The following DCC variants were observed in gnomAD, a reference collection of about 807,000 sequenced individuals.
DCC encodes the protein netrin receptor DCC.
A neutral mutation model predicts 172.5 loss-of-function variants in DCC; 58 were observed. That is an observed-to-expected ratio of 0.34 (90% CI 0.27 to 0.42). DCC has a LOEUF of 0.42. DCC is among the 10% of genes least tolerant of loss of function. DCC has a pLI of 1.00. For synonymous variants in DCC, 709 were observed against 644.5 expected (o/e 1.10, Z -1.52); for missense variants, 1,740 against 1,791.0 (o/e 0.97, Z 0.51).
At chr18:53,246,821 T>C (rs1294580210) in intron 12 of DCC, among the ~76,000 whole-genome samples, 1 of 152,080 alleles carries the variant, frequency 6.6e-6, no homozygotes, top group Non-Finnish European at 1.5e-5. Context: ...CTGAGTATTA[T>C]AAAGTGCGTT....
At chr18:52,616,172 C>T (rs1339732280) in intron 1 of DCC, among the ~76,000 whole-genome samples, 2 of 152,090 alleles carry the variant, frequency 1.3e-5, no homozygotes, top group Non-Finnish European at 2.9e-5. Flanking sequence ...AGTTGTTCCT[C>T]TTTCTGTTTC....
intron 5 of DCC, among the ~76,000 whole-genome samples, chr18:53,059,160 A>G (rs1249265275): frequency 6.6e-6 from 1 of 152,140 alleles, no homozygotes; most frequent in Non-Finnish European, 1.5e-5. Context: ...GCTCACTATC[A>G]TGAGAACAGC....
intron 2 of DCC, among the ~76,000 whole-genome samples, chr18:52,897,270 C>A (rs2039745416): frequency 6.6e-6 from 1 of 152,134 alleles, no homozygotes; most frequent in Non-Finnish European, 1.5e-5. Flanking sequence ...TAGTTGATGG[C>A]CTTACTCCTT....
At chr18:52,630,830 G>A (rs1376344793) in intron 1 of DCC, among the ~76,000 whole-genome samples, 1 of 152,196 alleles carries the variant, frequency 6.6e-6, no homozygotes, top group Non-Finnish European at 1.5e-5. Context: ...CTTGTACACA[G>A]CAAGTCATCC....
chr18:52,891,632 C>T (rs1443614401), intron 2 of DCC, among the ~76,000 whole-genome samples: 1 of 152,136 alleles, frequency 6.6e-6, no homozygotes, highest in African/African-American at 2.4e-5. Context: ...TTCCATACCA[C>T]TGCATTTTTA....
At chr18:52,637,490 C>T (rs1437322974) in intron 1 of DCC, among the ~76,000 whole-genome samples, 1 of 151,984 alleles carries the variant, frequency 6.6e-6, no homozygotes, top group Admixed American at 6.6e-5. Context: ...ATTTAGGAAA[C>T]TTTGGAGGCG....
At chr18:52,384,768 A>G (rs1388635896) in intron 1 of DCC, among the ~76,000 whole-genome samples, 1 of 152,162 alleles carries the variant, frequency 6.6e-6, no homozygotes, top group Admixed American at 6.5e-5. Context: ...AAACAGAACT[A>G]AAAGTACATA....
At chr18:52,819,048 G>A (rs1195324451) in intron 2 of DCC, among the ~76,000 whole-genome samples, 1 of 152,176 alleles carries the variant, frequency 6.6e-6, no homozygotes, top group Admixed American at 6.5e-5. Context: ...TTACAAAAGA[G>A]ATAGGAGATA....
intron 2 of DCC, among the ~76,000 whole-genome samples, chr18:52,824,035 G>C (rs2038459753): frequency 2.6e-5 from 4 of 152,106 alleles, no homozygotes; most frequent in Admixed American, 2.6e-4. Flanking sequence ...AGAAAAAATA[G>C]ATTATTTTCT....
chr18:52,394,849 A>C (rs1986159126), intron 1 of DCC, among the ~76,000 whole-genome samples: 1 of 152,086 alleles, frequency 6.6e-6, no homozygotes, highest in Admixed American at 6.6e-5. Context: ...AGAGCAGCTC[A>C]AATGAGCTGT....
intron 1 of DCC, among the ~76,000 whole-genome samples, chr18:52,362,606 TATGATTGAGTTTCTGTTTTG>T (rs1170908125): frequency 2.0e-5 from 3 of 152,180 alleles, no homozygotes; most frequent in African/African-American, 7.2e-5. Context: ...TTCTAAAATC[TATGATTGAGTTTCTGTTTTG>T]GGTTATTAAC....
intron 25 of DCC, among the ~76,000 whole-genome samples, chr18:53,469,998 G>A (rs1185409034): frequency 6.6e-6 from 1 of 151,998 alleles, no homozygotes; most frequent in East Asian, 1.9e-4. Context: ...TGTACTAGAT[G>A]CCCCTGGTTT....
intron 2 of DCC, among the ~76,000 whole-genome samples, chr18:52,894,212 C>A (rs138406879): frequency 2.0e-5 from 3 of 152,240 alleles, no homozygotes; most frequent in African/African-American, 7.2e-5. Flanking sequence ...CCACCAGCAT[C>A]TTTCATTTTT....
chr18:52,890,705 A>G (rs2039636200), intron 2 of DCC, among the ~76,000 whole-genome samples: 1 of 152,122 alleles, frequency 6.6e-6, no homozygotes, highest in Non-Finnish European at 1.5e-5. Context: ...AGGACAAACT[A>G]CAATTACAAT....
intron 28 of DCC, among the ~76,000 whole-genome samples, chr18:53,528,357 C>T (rs971215065): frequency 2.6e-5 from 4 of 152,048 alleles, no homozygotes; most frequent in African/African-American, 4.8e-5. Context: ...ATTTATAAGA[C>T]TCTAATGCAC....
intron 1 of DCC, among the ~76,000 whole-genome samples, chr18:52,539,104 A>G (rs763362525): frequency 3.9e-5 from 6 of 152,158 alleles, no homozygotes; most frequent in Non-Finnish European, 5.9e-5. Flanking sequence ...ATGAACTGGC[A>G]TTGGGATTTC....
chr18:53,499,353 T>G lies in DCC; in HGVS notation c.3954T>G (p.Pro1318=), dbSNP rs752399098. ...CACCTATGCTGCCCCCATCTCAGCC[T>G]GAGCATTCTAGCAGCGAGGAGGCAC... ...QQPPMLPPSQ[P]EHSSSEEAPS... Residue 1318 remains proline (P), a synonymous_variant, in exon 27 of 29, where the codon CCT becomes CCG. Coordinates refer to ENST00000442544, the MANE Select transcript of DCC (RefSeq NM_005215.4). 48 of 1,613,984 alleles carry G rather than the reference T, an allele frequency of 3.0e-5. No homozygotes were observed. The highest frequency in any genetic ancestry group is 4.1e-5 in the Non-Finnish European group (48 of 1,180,018).
At chr18:52,648,348 C>T (rs925835053) in intron 1 of DCC, among the ~76,000 whole-genome samples, 12 of 152,192 alleles carry the variant, frequency 7.9e-5, no homozygotes, top group Non-Finnish European at 1.5e-4. Flanking sequence ...ACAGGCTTGG[C>T]TAGAGTGCCC....
chr18:52,670,565 C>T (rs993818907), intron 1 of DCC, among the ~76,000 whole-genome samples: 8 of 152,116 alleles, frequency 5.3e-5, no homozygotes, highest in Non-Finnish European at 1.0e-4. Flanking sequence ...GCTGGCCAGG[C>T]GTGGTGGCTC....
Sources: gnomAD v4.1 joint callset for allele counts (sites outside exome capture counted in the v4.1 genomes callset) on GRCh38, gnomAD v4.1.1 for gene constraint, MANE v1.5 for transcripts, NCBI Gene and HGNC (gene_info 2026-07-23, HGNC 2026-07-21) for gene names.